The following RLF variants were observed in gnomAD, a reference collection of about 807,000 sequenced individuals.
RLF encodes the protein zinc finger protein Rlf.
A neutral mutation model predicts 162.9 loss-of-function variants in RLF; 7 were observed. The ratio of observed to expected loss-of-function variants is 0.04; its 90% CI spans 0.02 to 0.08. RLF has a LOEUF of 0.08. Among genes scored for constraint, RLF ranks in the 10% least tolerant of loss-of-function variants. The pLI is 1.00. For synonymous variants in RLF, 782 were observed against 791.5 expected (o/e 0.99, Z 0.20); for missense variants, 1,664 against 2,244.7 (o/e 0.74, Z 5.23).
chr1:40,203,757 A>G (rs1642751383), intron 5 of RLF, among the ~76,000 whole-genome samples: 1 of 152,008 alleles, frequency 6.6e-6, no homozygotes, highest in Non-Finnish European at 1.5e-5. Context: ...CTCTGAACTG[A>G]AATTTTTTAT....
chr1:40,172,942 A>G (rs549470565), intron 1 of RLF, among the ~76,000 whole-genome samples: 24 of 152,200 alleles, frequency 1.6e-4, no homozygotes, highest in African/African-American at 4.6e-4. Context: ...ACTTCCGCCA[A>G]TAGTGTTTGG....
At chr1:40,178,571 T>C (rs928662484) in intron 1 of RLF, among the ~76,000 whole-genome samples, 2 of 151,590 alleles carry the variant, frequency 1.3e-5, no homozygotes, top group Non-Finnish European at 2.9e-5. Flanking sequence ...TTATATGTAT[T>C]TTACCACCAT....
intron 5 of RLF, among the ~76,000 whole-genome samples, chr1:40,203,037 C>T (rs542966048): frequency 1.5e-3 from 233 of 150,500 alleles, no homozygotes; most frequent in Non-Finnish European, 2.2e-3. Context: ...AAGTATAGGA[C>T]TCTAGATTCC....
rs139459412 is a variant in RLF at position 40,227,498 on chromosome 1, G to A, written c.948-4019G>A. 1.2e-3 allele frequency among the ~76,000 whole-genome samples: 183 copies of A among 152,320 alleles called. 5 individuals carry two copies. The South Asian group carries it at 0.024, about 20-fold the overall frequency. Reference sequence around the variant, plus strand: ...TTGAAGTGACATCTTGCATCCTCATGAGTAACATACTGGCTGTCGTGGTTT... The same window carrying A: ...TTGAAGTGACATCTTGCATCCTCATAAGTAACATACTGGCTGTCGTGGTTT... On this transcript the variant is annotated intron_variant, in intron 6 of 7. Transcript: ENST00000372771.
At chr1:40,163,692 A>C (rs1256885186) in intron 1 of RLF, among the ~76,000 whole-genome samples, 1 of 152,194 alleles carries the variant, frequency 6.6e-6, no homozygotes, top group Non-Finnish European at 1.5e-5. Context: ...TTGTAATAGA[A>C]AGCACATGGG....
chr1:40,171,615 TG>T (rs1460319331), intron 1 of RLF, among the ~76,000 whole-genome samples: 4 of 152,232 alleles, frequency 2.6e-5, no homozygotes, highest in Non-Finnish European at 5.9e-5. Context: ...TCAAAACTAG[TG>T]GATGCTCATT....
Position 40,192,453 on chromosome 1 carries a change from A to T in RLF, c.474+1600A>T, listed in dbSNP as rs550350990. Reference sequence around the variant, plus strand: ...AGCATTTCTTTTGAGTATCGTGTTGATGCTTACAAAGTTTTGGATTTGAGG... The same window carrying T: ...AGCATTTCTTTTGAGTATCGTGTTGTTGCTTACAAAGTTTTGGATTTGAGG... On this transcript the variant is annotated intron_variant, in intron 3 of 7. Coordinates refer to ENST00000372771, the MANE Select transcript of RLF (RefSeq NM_012421.4). Among the ~76,000 whole-genome samples, 46 of 152,296 alleles carry T rather than the reference A, an allele frequency of 3.0e-4. 2 individuals are homozygous for T. The South Asian group carries it at 9.1e-3, about 30-fold the overall frequency.
At chr1:40,168,937 G>A (rs1039111078) in intron 1 of RLF, among the ~76,000 whole-genome samples, 1 of 152,022 alleles carries the variant, frequency 6.6e-6, no homozygotes. Flanking sequence ...AGGTTGCAGT[G>A]GGCAGAAATC....
chr1:40,227,742 C>T (rs1570560576), intron 6 of RLF, among the ~76,000 whole-genome samples: 1 of 152,252 alleles, frequency 6.6e-6, no homozygotes, highest in East Asian at 1.9e-4. Flanking sequence ...TGGTGGTTTA[C>T]ACCTGTAATC....
Position 40,237,166 on chromosome 1 carries a change from C to G in RLF, c.2464C>G (p.Leu822Val), listed in dbSNP as rs1400018784. The G allele has an allele frequency of 2.5e-6, 4 of 1,614,004 alleles. No homozygotes were observed. The highest frequency in any genetic ancestry group is 3.4e-6 in the Non-Finnish European group (4 of 1,179,986). ...CTCCAAAATTGAATACCAGAATCAC[C>G]TCTCAATGCATAATGTTGAAAATTC... ...YYSKIEYQNH[L>V]SMHNVENSNG... is the part of the protein sequence containing the mutation. The change falls in exon 8 of 8, where the codon CTC (leucine) becomes GTC (valine). Residue 822 changes from leucine to valine, a missense_variant. By Grantham distance (32) the Leu-to-Val change is conservative. Transcript: ENST00000372771. This position sits in a 1 kb window ranked among gnomAD's most constrained non-coding sequence, Gnocchi z 4.4.
chr1:40,195,782 A>G lies in RLF; in HGVS notation c.607+18A>G, dbSNP rs1270318319. 2 of 1,600,544 alleles carry G rather than the reference A, an allele frequency of 1.2e-6. No individual in the cohort carries two copies. The highest frequency in any genetic ancestry group is 1.7e-5 in the Admixed American group (1 of 57,316). On this transcript the variant is annotated intron_variant, in intron 4 of 7. Coordinates refer to ENST00000372771, the MANE Select transcript of RLF (RefSeq NM_012421.4). The stretch of plus-strand genomic sequence containing the variant: ...GGAGGAAGGTAAGTCTTAAGACTAT[A>G]TTGGATGAGGATTTAGTTCTGAGAA...
intron 3 of RLF, among the ~76,000 whole-genome samples, chr1:40,191,068 A>G (rs547551461): frequency 1.3e-5 from 2 of 152,340 alleles, no homozygotes; most frequent in South Asian, 2.1e-4. Flanking sequence ...TTAGAAATCA[A>G]CAAAAAAGTT....
At chr1:40,200,119 T>G (rs1398180997) in intron 4 of RLF, among the ~76,000 whole-genome samples, 1 of 152,140 alleles carries the variant, frequency 6.6e-6, no homozygotes, top group Non-Finnish European at 1.5e-5. Flanking sequence ...TATTAGAGTA[T>G]CTATGGAATT....
At chr1:40,233,000 T>C (rs1401468871) in intron 7 of RLF, among the ~76,000 whole-genome samples, 1 of 150,484 alleles carries the variant, frequency 6.6e-6, no homozygotes, top group Non-Finnish European at 1.5e-5. Flanking sequence ...AGGTGTAAGC[T>C]GCCCCACCTG....
chr1:40,196,494 G>GT (rs1190639086), intron 4 of RLF, among the ~76,000 whole-genome samples: 28 of 151,458 alleles, frequency 1.8e-4, no homozygotes, highest in African/African-American at 6.8e-4. Context: ...TGAAGTTTTT[G>GT]TTGTTTTTGT....
intron 3 of RLF, among the ~76,000 whole-genome samples, chr1:40,194,402 G>T (rs955929428): frequency 2.2e-4 from 33 of 152,046 alleles, no homozygotes; most frequent in African/African-American, 8.0e-4. Context: ...ACTTTGGGAG[G>T]CTGAGGCAGG....
At position 40,235,779 on chromosome 1, in the gene RLF, C is replaced by A; in HGVS notation, c.1090-13C>A. ...TGCAAAAAAATAATTTTTTTATCCT[C>A]TTTTACTTACAGGCACAAGATGCTG... On this transcript the variant is annotated splice_polypyrimidine_tract_variant and intron_variant, in intron 7 of 7. Coordinates refer to ENST00000372771, the MANE Select transcript of RLF (RefSeq NM_012421.4). 1 of 1,511,032 alleles carries A rather than the reference C, an allele frequency of 6.6e-7. No homozygotes were observed. The highest frequency in any genetic ancestry group is 8.8e-7 in the Non-Finnish European group (1 of 1,132,044). The allele number at this position is 1,511,032 out of a possible 1,614,324, so 93.6% of individuals were successfully genotyped here.
In RLF at chr1:40,232,081, G is replaced by A. The variant is rs1443388797; in HGVS notation, c.1089+423G>A. Among the ~76,000 whole-genome samples the A allele has an allele frequency of 2.0e-5, 3 of 152,066 alleles. No individual in the cohort carries two copies. The East Asian group carries it at 5.8e-4, about 29-fold the overall frequency. ...AAATTAGCCGGGCATGGTGGCGGGC[G>A]CCTGTAATCCCAGCTACTTTGGAGG... is the stretch of plus-strand genomic sequence containing the variant. On this transcript the variant is annotated intron_variant, in intron 7 of 7. Coordinates refer to ENST00000372771, the MANE Select transcript of RLF (RefSeq NM_012421.4).
At chr1:40,213,633 C>G (rs1033414497) in intron 5 of RLF, among the ~76,000 whole-genome samples, 3 of 152,182 alleles carry the variant, frequency 2.0e-5, no homozygotes, top group Non-Finnish European at 4.4e-5. Context: ...TCCCACCTTT[C>G]TTCTACTCAA....
Sources: gnomAD v4.1 joint callset for allele counts (sites outside exome capture counted in the v4.1 genomes callset) on GRCh38, gnomAD v4.1.1 for gene constraint, Gnocchi (gnomAD v3.1) non-coding constraint, MANE v1.5 for transcripts, NCBI Gene and HGNC (gene_info 2026-07-23, HGNC 2026-07-21) for gene names.